CUX1: variants seen among roughly 807,000 people sequenced by gnomAD.
The protein encoded by CUX1 is protein CASP.
A neutral mutation model predicts 158.8 loss-of-function variants in CUX1; 31 were observed. The observed-to-expected ratio is 0.20, with a 90% confidence interval of 0.15 to 0.26. The LOEUF is 0.26. Among genes scored for constraint, CUX1 ranks in the 10% least tolerant of loss-of-function variants. CUX1 has a pLI of 1.00. For synonymous variants in CUX1, 879 were observed against 862.1 expected, an observed-to-expected ratio of 1.02 and a Z score of -0.34; for missense variants, 1,589 against 2,014.6, an observed-to-expected ratio of 0.79 and a Z score of 4.04.
intron 2 of CUX1, among the ~76,000 whole-genome samples, chr7:101,983,288 AAAAG>A (rs1249764928): frequency 2.0e-5 from 3 of 152,174 alleles, no homozygotes; most frequent in Non-Finnish European, 2.9e-5. Flanking sequence ...ACCTCTTAGA[AAAAG>A]AAAGACAAAA....
intron 2 of CUX1, among the ~76,000 whole-genome samples, chr7:101,962,958 T>C (rs1019711944): frequency 6.6e-6 from 1 of 152,132 alleles, no homozygotes; most frequent in Non-Finnish European, 1.5e-5. Flanking sequence ...TGGCCTCAAG[T>C]GATCCTCCTC....
intron 1 of CUX1, among the ~76,000 whole-genome samples, chr7:101,819,390 T>C (rs1792228451): frequency 6.6e-6 from 1 of 152,220 alleles, no homozygotes; most frequent in African/African-American, 2.4e-5. Context: ...GCCTTCCCTT[T>C]GGGACATTAT....
chr7:101,973,354 G>A (rs1461982214), intron 2 of CUX1, among the ~76,000 whole-genome samples: 1 of 152,104 alleles, frequency 6.6e-6, no homozygotes, highest in East Asian at 1.9e-4. Context: ...CAGAAGGCAC[G>A]TGTTTTTAAT....
intron 8 of CUX1, among the ~76,000 whole-genome samples, chr7:102,145,739 GAGTTCA>G (rs1834960379): frequency 6.6e-6 from 1 of 152,086 alleles, no homozygotes; most frequent in African/African-American, 2.4e-5. Flanking sequence ...CTGAGGTCAG[GAGTTCA>G]AGACCAGCCT....
Position 101,929,568 on chromosome 7 carries a change from G to A in CUX1, c.141+13343G>A, listed in dbSNP as rs150696636. Among the ~76,000 whole-genome samples the A allele has an allele frequency of 3.5e-3, 538 of 152,278 alleles. 12 individuals carry two copies. Among genetic ancestry groups the A allele is most frequent in the Admixed American group, 0.027 (416 of 15,282 alleles). On this transcript the variant is annotated intron_variant, in intron 2 of 23. Coordinates refer to ENST00000292535, the MANE Select transcript of CUX1 (RefSeq NM_181552.4). ...TTGAGCATGATTTTAAAGGTGTAAC[G>A]GCTAAATGTGAAAGCCATATGATTT...
upstream of CUX1, chr7:101,817,178 G>A (rs1290569495): frequency 1.1e-4 from 106 of 984,246 alleles, no homozygotes; most frequent in Non-Finnish European, 1.2e-4. The surrounding 1 kb of genome is among the most constrained non-coding windows in gnomAD (Gnocchi z 4.1). Flanking sequence ...CAGGCCCCAA[G>A]CTGTTCCCCC....
intron 23 of CUX1, among the ~76,000 whole-genome samples, chr7:102,242,208 T>TC (rs1218608615): frequency 1.4e-5 from 2 of 141,366 alleles, no homozygotes; most frequent in East Asian, 2.1e-4. Context: ...TTTCTTTCTT[T>TC]TTTTTTTTTT....
chr7:101,875,543 C>T (rs933534486), intron 1 of CUX1, among the ~76,000 whole-genome samples: 7 of 152,106 alleles, frequency 4.6e-5, no homozygotes, highest in Admixed American at 3.9e-4. Flanking sequence ...GAAAACTGTG[C>T]CTGCTACTCC....
At chr7:101,895,935 G>C (rs930945511) in intron 1 of CUX1, among the ~76,000 whole-genome samples, 2 of 128,238 alleles carry the variant, frequency 1.6e-5, no homozygotes, top group Non-Finnish European at 3.1e-5. Context: ...TTGGAGACAG[G>C]GTCTTACTCT....
chr7:102,112,240 C>CTTTTT (rs201695519), intron 7 of CUX1, among the ~76,000 whole-genome samples: 3 of 131,410 alleles, frequency 2.3e-5, no homozygotes, highest in African/African-American at 8.6e-5. Context: ...CTTTCTCTCT[C>CTTTTT]TCTTTTTTTT....
At chr7:101,817,364 G>A (rs1185149096), upstream of CUX1, 2 of 984,652 alleles carry the variant, frequency 2.0e-6, no homozygotes, top group African/African-American at 3.5e-5. This position sits in a 1 kb window ranked among gnomAD's most constrained non-coding sequence, Gnocchi z 4.1. Flanking sequence ...GGGTGCGCTC[G>A]GAGATGCCTT....
intron 23 of CUX1, among the ~76,000 whole-genome samples, chr7:102,247,372 A>C (rs953016896): frequency 2.0e-5 from 3 of 152,244 alleles, no homozygotes; most frequent in African/African-American, 7.2e-5. Flanking sequence ...TGATGGATGC[A>C]GCGGTTATCA....
intron 1 of CUX1, among the ~76,000 whole-genome samples, chr7:101,894,246 G>A (rs10264866): frequency 0.21 from 31,837 of 152,218 alleles, 5,070 homozygotes; most frequent in East Asian, 0.84. Flanking sequence ...AGAAAGTTAT[G>A]CAAGGTCTGA....
At chr7:102,115,175 A>G (rs1554491385) in intron 7 of CUX1, 32 bp from the exon 8 acceptor site, 2 of 1,589,044 alleles carry the variant, frequency 1.3e-6, no homozygotes, top group African/African-American at 1.4e-5. Context: ...TTAAAATTTC[A>G]TTTAAATAGT....
intron 1 of CUX1, among the ~76,000 whole-genome samples, chr7:101,892,360 A>G (rs1416915193): frequency 6.6e-6 from 1 of 152,208 alleles, no homozygotes; most frequent in Non-Finnish European, 1.5e-5. Flanking sequence ...TACCTCCTTC[A>G]TTTGCAAAAC....
At chr7:101,963,622 T>TC (rs1162717186) in intron 2 of CUX1, among the ~76,000 whole-genome samples, 5 of 152,082 alleles carry the variant, frequency 3.3e-5, no homozygotes, top group African/African-American at 1.2e-4. Flanking sequence ...AATAATCAAT[T>TC]ACTTAGTACC....
chr7:102,101,136 C>T (rs1311533680), intron 5 of CUX1, among the ~76,000 whole-genome samples: 1 of 152,188 alleles, frequency 6.6e-6, no homozygotes, highest in Non-Finnish European at 1.5e-5. Context: ...CCACTTGGCC[C>T]CACTTCCAAC....
intron 2 of CUX1, among the ~76,000 whole-genome samples, chr7:101,950,168 C>G (rs1456198144): frequency 6.6e-6 from 1 of 152,162 alleles, no homozygotes; most frequent in Non-Finnish European, 1.5e-5. Context: ...CGCCACCACA[C>G]CCGGCTAATT....
chr7:101,981,464 G>C lies in CUX1; in HGVS notation c.142-46634G>C, dbSNP rs538522795. Reference sequence around the variant, plus strand: ...GGCTACGTGGAATAGCCAATTGGTGGCCACAGAGAGTGGCCAGCCATTCCC... The same window carrying C: ...GGCTACGTGGAATAGCCAATTGGTGCCCACAGAGAGTGGCCAGCCATTCCC... On this transcript the variant is annotated intron_variant, in intron 2 of 23. Transcript: ENST00000292535. Among the ~76,000 whole-genome samples the C allele has an allele frequency of 3.3e-5, 5 of 152,250 alleles. No individual in the cohort carries two copies. The South Asian group carries it at 1.0e-3, about 32-fold the overall frequency.
Sources: gnomAD v4.1 joint callset for allele counts (sites outside exome capture counted in the v4.1 genomes callset) on GRCh38, gnomAD v4.1.1 for gene constraint, Gnocchi (gnomAD v3.1) non-coding constraint, MANE v1.5 for transcripts, NCBI Gene and HGNC (gene_info 2026-07-23, HGNC 2026-07-21) for gene names.